The following SSBP3 variants were observed in gnomAD, a reference collection of about 807,000 sequenced individuals.
The protein encoded by SSBP3 is single-stranded DNA-binding protein 3.
Under a neutral mutation model 69.6 loss-of-function variants are expected in SSBP3, and 5 were observed. That is an observed-to-expected ratio of 0.07 (90% CI 0.04 to 0.15). SSBP3 has a LOEUF of 0.15. SSBP3 is among the 10% of genes least tolerant of loss of function. The pLI, the probability that SSBP3 is intolerant of heterozygous loss-of-function variation, is 1.00. For synonymous variants in SSBP3, 196 were observed against 193.4 expected (o/e 1.01, Z -0.11); for missense variants, 312 against 534.0 (o/e 0.58, Z 4.10).
intron 14 of SSBP3, among the ~76,000 whole-genome samples, chr1:54,232,502 G>A (rs566573454): frequency 6.6e-6 from 1 of 152,286 alleles, no homozygotes; most frequent in East Asian, 1.9e-4. Context: ...GGCTGAGGCA[G>A]GAGGATCACC....
chr1:54,365,571 C>A (rs1196902802), intron 4 of SSBP3, among the ~76,000 whole-genome samples: 1 of 152,182 alleles, frequency 6.6e-6, no homozygotes, highest in Non-Finnish European at 1.5e-5. Context: ...TGAGGGAAGG[C>A]ACATGCCCTC....
chr1:54,363,045 T>C (rs1367868363), intron 4 of SSBP3, among the ~76,000 whole-genome samples: 1 of 152,080 alleles, frequency 6.6e-6, no homozygotes, highest in African/African-American at 2.4e-5. Context: ...GGTGCAGTCC[T>C]CCCAGCCTCC....
chr1:54,404,809 G>GGC lies in SSBP3; in HGVS notation c.129+48_129+49insGC. Reference sequence around the variant, plus strand: ...TGAAAACAAAGGCTCTAAGAATAGTGGGGGGGGGGGGTGTCAAGAAATTGG... The same window carrying GGC: ...TGAAAACAAAGGCTCTAAGAATAGTGGCGGGGGGGGGGGTGTCAAGAAATTGG... On this transcript the variant is annotated intron_variant, in intron 2 of 17. Coordinates refer to ENST00000610401, the Ensembl canonical transcript of SSBP3. The GGC allele has an allele frequency of 2.2e-5, 5 of 225,520 alleles. No individual in the cohort carries two copies. In the South Asian group the frequency reaches 2.2e-4, roughly 10 times the overall value. 14.0% of individuals were successfully genotyped at this position (225,520 alleles called of 1,614,324 possible). A position where few individuals can be genotyped will look rare whatever the true frequency, so the allele number is the denominator to read the frequency against.
At chr1:54,386,808 T>C (rs749283592) in intron 4 of SSBP3, among the ~76,000 whole-genome samples, 1 of 150,270 alleles carries the variant, frequency 6.7e-6, no homozygotes, top group African/African-American at 2.5e-5. Flanking sequence ...CCTGAGTAGC[T>C]GGACTATAGG....
chr1:54,383,028 AAAAG>A (rs972317210), intron 4 of SSBP3, among the ~76,000 whole-genome samples: 18 of 149,586 alleles, frequency 1.2e-4, no homozygotes, highest in East Asian at 6.1e-4. Context: ...AGAAAGAAAG[AAAAG>A]AAAGAAAGAA....
chr1:54,306,319 G>A (rs1048389528), intron 4 of SSBP3, among the ~76,000 whole-genome samples: 10 of 152,322 alleles, frequency 6.6e-5, no homozygotes, highest in Admixed American at 5.9e-4. Context: ...TGTCAGCCGT[G>A]TGTCAAAAAA....
Position 54,332,056 on chromosome 1 carries a change from CA to C in SSBP3, c.277-50530del, listed in dbSNP as rs142659121. ...TCATCTTATCTCCCAGATGAGAAAC[CA>C]GGGCTCAGAAAGGTTGAAGGACTTG... is the stretch of plus-strand genomic sequence containing the variant. On this transcript the variant is annotated intron_variant, in intron 4 of 17. Coordinates refer to ENST00000610401, the Ensembl canonical transcript of SSBP3. 5.5e-3 allele frequency among the ~76,000 whole-genome samples: 835 copies of C among 152,286 alleles called. 12 individuals are homozygous for C. The highest frequency in any genetic ancestry group is 0.019 in the African/African-American group (796 of 41,554).
chr1:54,359,557 G>A (rs189318903), intron 4 of SSBP3, among the ~76,000 whole-genome samples: 1 of 152,302 alleles, frequency 6.6e-6, no homozygotes, highest in African/African-American at 2.4e-5. Context: ...CCTACAGAGA[G>A]CTTTTTATAA....
At chr1:54,338,909 G>A (rs996522858) in intron 4 of SSBP3, among the ~76,000 whole-genome samples, 3 of 152,218 alleles carry the variant, frequency 2.0e-5, no homozygotes, top group African/African-American at 7.2e-5. Context: ...CCTGAAACCA[G>A]ATCATGACGA....
chr1:54,402,754 G>C (rs1164069587), intron 3 of SSBP3, among the ~76,000 whole-genome samples: 1 of 152,144 alleles, frequency 6.6e-6, no homozygotes, highest in Non-Finnish European at 1.5e-5. Context: ...GATTTTGTAT[G>C]GTCACTCCGA....
intron 4 of SSBP3, among the ~76,000 whole-genome samples, chr1:54,346,279 C>T (rs1387572124): frequency 6.7e-6 from 1 of 150,328 alleles, no homozygotes; most frequent in Non-Finnish European, 1.5e-5. Context: ...GAGCCTAGAT[C>T]GGGCCACTGC....
intron 9 of SSBP3, among the ~76,000 whole-genome samples, chr1:54,243,704 GGTGA>G (rs1400932015): frequency 1.3e-5 from 2 of 152,160 alleles, no homozygotes; most frequent in African/African-American, 2.4e-5. Context: ...GGAGGCGAGG[GGTGA>G]GTGTCAATGT....
intron 4 of SSBP3, among the ~76,000 whole-genome samples, chr1:54,315,352 C>T (rs1646076625): frequency 6.6e-6 from 1 of 152,130 alleles, no homozygotes; most frequent in Non-Finnish European, 1.5e-5. Flanking sequence ...AGCTGCAAGT[C>T]CCTGGCAGTC....
upstream of SSBP3, among the ~76,000 whole-genome samples, chr1:54,411,031 A>G (rs185715588): frequency 6.6e-6 from 1 of 152,380 alleles, no homozygotes; most frequent in Admixed American, 6.5e-5. Flanking sequence ...ATGTCTTCCA[A>G]CGGACACATA....
chr1:54,238,944 C>A, intron 14 of SSBP3, 185 bp downstream of exon 14: 3 of 424,562 alleles, frequency 7.1e-6, no homozygotes, highest in South Asian at 4.1e-5. Context: ...TCCTCTCCCA[C>A]CCCCTGCCGC....
At chr1:54,324,826 C>T (rs17110383) in intron 4 of SSBP3, among the ~76,000 whole-genome samples, 6,994 of 152,174 alleles carry the variant, frequency 0.046, 367 homozygotes, top group East Asian at 0.16. Context: ...TCCAATATGT[C>T]GGTAAATCTG....
rs560412240 is a variant in SSBP3 at position 54,333,979 on chromosome 1, C to A, written c.277-52452G>T. On this transcript the variant is annotated intron_variant, in intron 4 of 17. Transcript: ENST00000610401. ...ACTGAGATGGAAGGATCACTTGAGC[C>A]CAGGAGTTTGAGGCTGCAGTGAGTT... is the stretch of plus-strand genomic sequence containing the variant. Among the ~76,000 whole-genome samples, 7 of 152,252 alleles carry A rather than the reference C, an allele frequency of 4.6e-5. No individual in the cohort carries two copies. The South Asian group carries it at 1.2e-3, about 27-fold the overall frequency.
chr1:54,386,157 C>T (rs1222501609), intron 4 of SSBP3, among the ~76,000 whole-genome samples: 2 of 152,290 alleles, frequency 1.3e-5, no homozygotes, highest in East Asian at 1.9e-4. Context: ...TTTAGGGTGG[C>T]TCTCCCTCAA....
intron 5 of SSBP3, among the ~76,000 whole-genome samples, chr1:54,273,335 C>T (rs1044493440): frequency 6.6e-6 from 1 of 152,222 alleles, no homozygotes; most frequent in South Asian, 2.1e-4. Context: ...CACAGGCATG[C>T]GTGCACACAG....
Sources: gnomAD v4.1 joint callset for allele counts (sites outside exome capture counted in the v4.1 genomes callset) on GRCh38, gnomAD v4.1.1 for gene constraint, MANE v1.5 for transcripts, NCBI Gene and HGNC (gene_info 2026-07-23, HGNC 2026-07-21) for gene names.